ACYP2: variants seen among roughly 807,000 people sequenced by gnomAD.
ACYP2 encodes acylphosphatase-2.
In ACYP2, 12 loss-of-function variants were observed where a neutral mutation model predicts 11.2. The ratio of observed to expected loss-of-function variants is 1.08; its 90% CI spans 0.69 to 1.74. The LOEUF (loss-of-function observed/expected upper bound fraction) is 1.74. Ranked by LOEUF, ACYP2 falls within the 40% of genes most tolerant of loss-of-function variation. ACYP2 has a pLI of 0.00. For missense variants in ACYP2, 134 were observed against 101.9 expected, an observed-to-expected ratio of 1.31 and a Z score of -1.35; for synonymous variants, 43 against 32.2, an observed-to-expected ratio of 1.33 and a Z score of -1.13.
At chr2:54,057,545 A>T (rs932174476) in intron 4 of ACYP2, among the ~76,000 whole-genome samples, 1 of 152,162 alleles carries the variant, frequency 6.6e-6, no homozygotes, top group Admixed American at 6.5e-5. Context: ...CAATTCAAAG[A>T]TAGTTTTTTA....
At chr2:54,183,646 A>G (rs2103873636) in intron 6 of ACYP2, among the ~76,000 whole-genome samples, 1 of 152,344 alleles carries the variant, frequency 6.6e-6, no homozygotes, top group African/African-American at 2.4e-5. Context: ...TATTTTCATA[A>G]AAGTAAATTA....
intron 4 of ACYP2, among the ~76,000 whole-genome samples, chr2:54,133,839 G>T (rs1031872273): frequency 6.6e-6 from 1 of 151,978 alleles, no homozygotes; most frequent in Non-Finnish European, 1.5e-5. Flanking sequence ...CCCACTCTAG[G>T]GCCCAGTTCT....
At chr2:54,025,118 A>T (rs961677457) in intron 2 of ACYP2, among the ~76,000 whole-genome samples, 1 of 152,212 alleles carries the variant, frequency 6.6e-6, no homozygotes, top group South Asian at 2.1e-4. Flanking sequence ...ACGGAAACAC[A>T]TCCCATGCTC....
chr2:54,231,691 A>C (rs1029932248), intron 6 of ACYP2, among the ~76,000 whole-genome samples: 1 of 152,264 alleles, frequency 6.6e-6, no homozygotes, highest in African/African-American at 2.4e-5. Context: ...AAAAGTTAAC[A>C]GCTATCACTC....
chr2:54,034,149 G>A (rs535923033), intron 2 of ACYP2, among the ~76,000 whole-genome samples: 1 of 152,314 alleles, frequency 6.6e-6, no homozygotes, highest in South Asian at 2.1e-4. Flanking sequence ...CTTGAGGTCA[G>A]GAGTTTGAGA....
At chr2:54,206,676 T>C (rs1558613071) in intron 6 of ACYP2, among the ~76,000 whole-genome samples, 2 of 152,364 alleles carry the variant, frequency 1.3e-5, no homozygotes, top group Non-Finnish European at 2.9e-5. Flanking sequence ...GTGATTTTTT[T>C]CCATAATTGT....
At chr2:54,128,436 G>T (rs1680675930) in intron 4 of ACYP2, among the ~76,000 whole-genome samples, 1 of 152,122 alleles carries the variant, frequency 6.6e-6, no homozygotes, top group African/African-American at 2.4e-5. Context: ...GGGAGGCTGA[G>T]GCAGTTGGAT....
intron 2 of ACYP2, among the ~76,000 whole-genome samples, chr2:54,032,205 C>T (rs1392190167): frequency 1.3e-5 from 2 of 152,128 alleles, no homozygotes; most frequent in East Asian, 3.8e-4. Flanking sequence ...CTTGCCCATG[C>T]CTATGTCCTG....
chr2:54,011,000 T>G (rs1673342768), intron 2 of ACYP2, among the ~76,000 whole-genome samples: 2 of 152,046 alleles, frequency 1.3e-5, no homozygotes, highest in South Asian at 4.1e-4. Context: ...ACATGCCTCC[T>G]TTATTCACTT....
At position 54,297,663 on chromosome 2, in the gene ACYP2, A is replaced by T. The variant is rs575478255; in HGVS notation, c.405-7025A>T. On this transcript the variant is annotated intron_variant, in intron 6 of 6. Coordinates refer to ENST00000607452, the MANE Select transcript of ACYP2 (RefSeq NM_001320586.2). ...TATTATACTACTAAAGGAGTTCAGT[A>T]AGGCATCTGATTACAATACAAGAAA... Among the ~76,000 whole-genome samples the T allele has an allele frequency of 4.6e-5, 7 of 152,340 alleles. No homozygotes were observed. In the South Asian group the frequency reaches 1.4e-3, roughly 32 times the overall value.
chr2:54,170,535 A>G (rs887429693), intron 6 of ACYP2, among the ~76,000 whole-genome samples: 3 of 150,856 alleles, frequency 2.0e-5, no homozygotes, highest in African/African-American at 7.3e-5. Flanking sequence ...TTTACCTCCA[A>G]ATCCTGTTGC....
At chr2:53,978,237 G>A (rs1573430455) in intron 2 of ACYP2, among the ~76,000 whole-genome samples, 1 of 151,360 alleles carries the variant, frequency 6.6e-6, no homozygotes, top group East Asian at 1.9e-4. Flanking sequence ...ACTCCAGCCT[G>A]GGTGACAGAG....
intron 4 of ACYP2, among the ~76,000 whole-genome samples, chr2:54,079,081 C>G (rs1256869900): frequency 6.6e-6 from 1 of 152,202 alleles, no homozygotes; most frequent in Non-Finnish European, 1.5e-5. Context: ...CCAAAACAGT[C>G]TCTTAAAATG....
intron 6 of ACYP2, among the ~76,000 whole-genome samples, chr2:54,290,997 A>T (rs1689281347): frequency 6.6e-6 from 1 of 152,214 alleles, no homozygotes; most frequent in Non-Finnish European, 1.5e-5. Context: ...CTTCACAGGC[A>T]GACAGCTAGA....
chr2:54,101,835 A>T (rs1285009785), intron 4 of ACYP2, among the ~76,000 whole-genome samples: 2 of 152,170 alleles, frequency 1.3e-5, no homozygotes, highest in African/African-American at 4.8e-5. Flanking sequence ...GAGGGCTCTC[A>T]TATACATCCC....
chr2:53,989,428 A>G (rs1436215491), intron 2 of ACYP2, among the ~76,000 whole-genome samples: 1 of 152,148 alleles, frequency 6.6e-6, no homozygotes, highest in African/African-American at 2.4e-5. Context: ...AACAAAGAAT[A>G]TATTTGCCCA....
At chr2:54,083,108 C>T (rs1044185887) in intron 4 of ACYP2, among the ~76,000 whole-genome samples, 1 of 145,284 alleles carries the variant, frequency 6.9e-6, no homozygotes, top group Admixed American at 6.9e-5. Context: ...GTCACTATTT[C>T]TCAGGAAAAT....
intron 6 of ACYP2, among the ~76,000 whole-genome samples, chr2:54,260,427 G>A (rs1687728131): frequency 6.6e-6 from 1 of 152,144 alleles, no homozygotes; most frequent in Non-Finnish European, 1.5e-5. Flanking sequence ...GCATGGCTAT[G>A]AATTTTTCTC....
chr2:54,152,127 TTTTTTTTTTG>T (rs978830150), intron 6 of ACYP2, among the ~76,000 whole-genome samples: 5 of 148,868 alleles, frequency 3.4e-5, no homozygotes, highest in African/African-American at 1.2e-4. Context: ...TTTTTTTTTT[TTTTTTTTTTG>T]AGGCAGAGTT....
Sources: gnomAD v4.1 joint callset for allele counts (sites outside exome capture counted in the v4.1 genomes callset) on GRCh38, gnomAD v4.1.1 for gene constraint, MANE v1.5 for transcripts, NCBI Gene and HGNC (gene_info 2026-07-23, HGNC 2026-07-21) for gene names.